SLC38A8: variants seen among roughly 807,000 people sequenced by gnomAD.
SLC38A8 encodes amino acid transporter SLC38A8.
A neutral mutation model predicts 46.0 loss-of-function variants in SLC38A8; 65 were observed. The observed-to-expected ratio is 1.41, with a 90% CI of 1.16 to 1.74. SLC38A8 has a LOEUF of 1.74. SLC38A8 is among the 40% of genes most tolerant of loss of function. SLC38A8 has a pLI of 0.00. For synonymous variants in SLC38A8, 447 were observed against 243.7 expected, an observed-to-expected ratio of 1.83 and a Z score of -7.77; for missense variants, 998 against 567.9, an observed-to-expected ratio of 1.76 and a Z score of -7.70.
At position 84,029,494 on chromosome 16, in the gene SLC38A8, C is replaced by T; in HGVS notation, c.690G>A (p.Gln230=). The change falls in exon 6 of 11, where the codon CAG becomes CAA. Residue 230 remains glutamine, a splice_region_variant and synonymous_variant. Transcript: ENST00000299709. ...GCTGCAACACAGATGCTAAAATTAC[C>T]TGAAACCCGAAGCAGATGGTGGGGA... ...SVFPTICFGF[Q]CHEAAVSIYC... is the part of the protein sequence containing the mutation. The T allele has an allele frequency of 6.2e-7, 1 of 1,614,090 alleles. No individual in the cohort carries two copies. Among genetic ancestry groups the T allele is most frequent in the Non-Finnish European group, 8.5e-7 (1 of 1,179,996 alleles).
intron 7 of SLC38A8, among the ~76,000 whole-genome samples, chr16:84,018,223 CTTTTTTTT>C (rs796178053): frequency 1.5e-4 from 12 of 79,904 alleles, no homozygotes; most frequent in East Asian, 5.5e-4. Flanking sequence ...GCCCTCATTC[CTTTTTTTT>C]TTTTTTTTTT....
Position 84,033,431 on chromosome 16 carries a change from G to A in SLC38A8, c.427C>T (p.Gln143Ter). 6.2e-7 allele frequency: 1 copy of A among 1,611,190 alleles called. No homozygotes were observed. The highest frequency in any genetic ancestry group is 8.5e-7 in the Non-Finnish European group (1 of 1,178,800). ...AAGCGCTGGTCTGCGTACCACGGCT[G>A]CGGGGCGGGCGGGGTGCCAGACAGG... ...SLLSGTPPAP[Q>*]PWYADQRFTL... The change falls in exon 4 of 11, where the codon CAG becomes TAG. Residue 143 changes from glutamine (Q) to a stop codon, truncating the protein, a stop_gained. Coordinates refer to ENST00000299709, the MANE Select transcript of SLC38A8 (RefSeq NM_001080442.3). LOFTEE classifies it high-confidence loss of function.
chr16:84,029,409 G>A, intron 6 of SLC38A8, 85 bp downstream of exon 6: 1 of 1,474,154 alleles, frequency 6.8e-7, no homozygotes, highest in Non-Finnish European at 9.4e-7. Flanking sequence ...CTCCCTGACA[G>A]AGAAACCAAG....
intron 3 of SLC38A8, among the ~76,000 whole-genome samples, chr16:84,034,808 G>A (rs751631388): frequency 6.6e-6 from 1 of 151,918 alleles, no homozygotes; most frequent in Non-Finnish European, 1.5e-5. Context: ...AGGTGGCGTG[G>A]GATGGGGCAG....
Position 84,016,659 on chromosome 16 carries a change from G to A in SLC38A8, c.1022C>T (p.Pro341Leu), listed in dbSNP as rs150899349. ...GGWGPSALAD[P>L]SGLWVRMPLT... is the part of the protein sequence containing the mutation. ...CGGCATCCGGACCCACAGCCCTGAG[G>A]GGTCGGCCAGGGCGCTGGGCCCCCA... The change falls in exon 9 of 11, where the codon CCC (proline) becomes CTC (leucine). Residue 341 changes from proline to leucine, a missense_variant. By Grantham distance (98) the Pro-to-Leu change is moderately conservative. Transcript: ENST00000299709. The A allele has an allele frequency of 4.5e-5, 72 of 1,613,606 alleles. No individual in the cohort carries two copies. The highest frequency in any genetic ancestry group is 4.4e-5 in the South Asian group (4 of 91,078).
At chr16:84,022,291 G>A (rs1165516465) in intron 7 of SLC38A8, among the ~76,000 whole-genome samples, 2 of 152,186 alleles carry the variant, frequency 1.3e-5, no homozygotes, top group Non-Finnish European at 2.9e-5. Flanking sequence ...CCAATGCACT[G>A]TACGATCCTG....
At chr16:84,021,945 T>C (rs2085101013) in intron 7 of SLC38A8, among the ~76,000 whole-genome samples, 2 of 152,176 alleles carry the variant, frequency 1.3e-5, no homozygotes, top group Non-Finnish European at 2.9e-5. Flanking sequence ...GTCTCTCTTC[T>C]TCTTCTTATA....
chr16:84,021,647 C>T (rs896453763), intron 7 of SLC38A8, among the ~76,000 whole-genome samples: 10 of 152,248 alleles, frequency 6.6e-5, no homozygotes, highest in African/African-American at 2.4e-4. Flanking sequence ...CCAGCCTGCA[C>T]TCATTGCCCA....
Position 84,033,432 on chromosome 16 carries a change from C to T in SLC38A8, c.426G>A (p.Pro142=), listed in dbSNP as rs201965163. ...DSLLSGTPPA[P]QPWYADQRFT... Reference sequence around the variant, plus strand: ...AGCGCTGGTCTGCGTACCACGGCTGCGGGGCGGGCGGGGTGCCAGACAGGA... The same window carrying T: ...AGCGCTGGTCTGCGTACCACGGCTGTGGGGCGGGCGGGGTGCCAGACAGGA... Residue 142 remains proline (P), a synonymous_variant, in exon 4 of 11, where the codon CCG becomes CCA. Transcript: ENST00000299709. 6.2e-6 allele frequency: 10 copies of T among 1,610,510 alleles called. No homozygotes were observed. The highest frequency in any genetic ancestry group is 2.7e-5 in the African/African-American group (2 of 74,940).
Position 84,033,360 on chromosome 16 carries a change from G to A in SLC38A8, c.498C>T (p.Ala166=), listed in dbSNP as rs773696405. 3 of 1,613,968 alleles carry A rather than the reference G, an allele frequency of 1.9e-6. No individual in the cohort carries two copies. Among genetic ancestry groups the A allele is most frequent in the Non-Finnish European group, 2.5e-6 (3 of 1,180,018 alleles). ...ATTTCTGGAAGGCGATCTCCCGCGG[G>A]GCAGACAGGGGCAGGATGACCAGCA... ...LSVLVILPLS[A]PREIAFQKYT... Residue 166 remains alanine (A), a synonymous_variant, in exon 4 of 11, where the codon GCC becomes GCT. Coordinates refer to ENST00000299709, the MANE Select transcript of SLC38A8 (RefSeq NM_001080442.3).
Position 84,033,433 on chromosome 16 carries a change from G to T in SLC38A8, c.425C>A (p.Pro142Gln). Reference protein sequence around the residue: ...DSLLSGTPPAPQPWYADQRFT... With the variant: ...DSLLSGTPPAQQPWYADQRFT... The stretch of plus-strand genomic sequence containing the variant: ...GCGCTGGTCTGCGTACCACGGCTGC[G>T]GGGCGGGCGGGGTGCCAGACAGGAG... Residue 142 changes from proline to glutamine, a missense_variant, in exon 4 of 11, where the codon CCG (proline) becomes CAG (glutamine). Transcript: ENST00000299709. 2.5e-6 allele frequency: 4 copies of T among 1,611,128 alleles called. No homozygotes were observed. Among genetic ancestry groups the T allele is most frequent in the Non-Finnish European group, 3.4e-6 (4 of 1,178,768 alleles).
rs1323545471 is a variant in SLC38A8 at position 84,017,120 on chromosome 16, C to T, written c.953+20G>A. On this transcript the variant is annotated intron_variant, in intron 8 of 10. Transcript: ENST00000299709. ...CAGCAGACCATGCTTCACGGTGCCC[C>T]CCACTGAGCCAGGCCTCACCTCCCC... 5 of 1,613,434 alleles carry T rather than the reference C, an allele frequency of 3.1e-6. No individual in the cohort carries two copies. In the East Asian group the frequency reaches 1.1e-4, roughly 36 times the overall value.
At chr16:84,023,128 A>G (rs1398120694) in intron 6 of SLC38A8, among the ~76,000 whole-genome samples, 1 of 150,846 alleles carries the variant, frequency 6.6e-6, no homozygotes, top group Non-Finnish European at 1.5e-5. Context: ...TTATCAATAC[A>G]AGCTCGCATT....
intron 6 of SLC38A8, among the ~76,000 whole-genome samples, chr16:84,025,942 G>A (rs1012503489): frequency 1.3e-5 from 2 of 152,218 alleles, no homozygotes; most frequent in African/African-American, 4.8e-5. Context: ...CACCCCCGCA[G>A]CACTTGTGGG....
At chr16:84,042,347 C>T (rs561103594) in intron 1 of SLC38A8, among the ~76,000 whole-genome samples, 188 bp from the exon 2 acceptor site, 6 of 152,244 alleles carry the variant, frequency 3.9e-5, no homozygotes, top group Admixed American at 6.5e-5. Context: ...AGTCCCCCTT[C>T]GTCTCCCATT....
In SLC38A8 at chr16:84,028,202, T is replaced by C. The variant is rs180852688; in HGVS notation, c.690+1292A>G. Among the ~76,000 whole-genome samples, 573 of 152,108 alleles carry C rather than the reference T, an allele frequency of 3.8e-3. 3 individuals carry two copies. The highest frequency in any genetic ancestry group is 0.013 in the African/African-American group (554 of 41,508). Reference sequence around the variant, plus strand: ...GGACACATCTCCCTGTGGACTTGATTTTACTTTGGAATGGTTTTGTTGGTG... The same window carrying C: ...GGACACATCTCCCTGTGGACTTGATCTTACTTTGGAATGGTTTTGTTGGTG... On this transcript the variant is annotated intron_variant, in intron 6 of 10. Coordinates refer to ENST00000299709, the MANE Select transcript of SLC38A8 (RefSeq NM_001080442.3).
At chr16:84,034,941 G>A (rs771902215) in intron 3 of SLC38A8, among the ~76,000 whole-genome samples, 2 of 152,110 alleles carry the variant, frequency 1.3e-5, no homozygotes, top group Non-Finnish European at 2.9e-5. Flanking sequence ...CAAAGACATG[G>A]TCAATTGTAC....
Position 84,016,519 on chromosome 16 carries a change from C to T in SLC38A8, c.1162G>A (p.Gly388Ser). 1 of 1,613,608 alleles carries T rather than the reference C, an allele frequency of 6.2e-7. No individual in the cohort carries two copies. ...ISSFFIFIFP[G>S]LCLICAMGVE... The stretch of plus-strand genomic sequence containing the variant: ...AAAGCCTGGAAAGCAGGGGCCTCAC[C>T]TGGGAAGATGAAGATGAAGAAGGAA... Residue 388 changes from glycine (G) to serine (S), a missense_variant and splice_region_variant, in exon 9 of 11, where the codon GGT becomes AGT. Coordinates refer to ENST00000299709, the MANE Select transcript of SLC38A8 (RefSeq NM_001080442.3).
chr16:84,024,108 C>A (rs974681254), intron 6 of SLC38A8, among the ~76,000 whole-genome samples: 1 of 152,104 alleles, frequency 6.6e-6, no homozygotes, highest in African/African-American at 2.4e-5. Flanking sequence ...CAGCCCCCCT[C>A]CCCCAAGTTG....
Sources: gnomAD v4.1 joint callset for allele counts (sites outside exome capture counted in the v4.1 genomes callset) on GRCh38, gnomAD v4.1.1 for gene constraint, MANE v1.5 for transcripts, NCBI Gene and HGNC (gene_info 2026-07-23, HGNC 2026-07-21) for gene names.